The following FHIT variants were observed in gnomAD, a reference collection of about 807,000 sequenced individuals.
FHIT encodes the protein bis(5'-adenosyl)-triphosphatase.
FHIT carries 19 observed loss-of-function variants against 17.9 expected under a neutral mutation model. That is an observed-to-expected ratio of 1.06 (90% confidence interval 0.74 to 1.56). The LOEUF is 1.56. Among genes scored for constraint, FHIT ranks in the 40% most tolerant of loss-of-function variants. The pLI, the probability that FHIT is intolerant of heterozygous loss-of-function variation, is 0.00. For synonymous variants in FHIT, 81 were observed against 69.7 expected, an observed-to-expected ratio of 1.16 and a Z score of -0.81; for missense variants, 248 against 189.2, an observed-to-expected ratio of 1.31 and a Z score of -1.82.
chr3:60,012,436 T>C (rs1322608846), intron 6 of FHIT, among the ~76,000 whole-genome samples: 1 of 151,850 alleles, frequency 6.6e-6, no homozygotes, highest in Admixed American at 6.6e-5. Flanking sequence ...GCCTGGCTAA[T>C]TTTTGTATTT....
At chr3:61,175,689 C>CCATGTGTCCCTCTTG (rs1173884719) in intron 2 of FHIT, among the ~76,000 whole-genome samples, 1 of 139,176 alleles carries the variant, frequency 7.2e-6, no homozygotes, top group African/African-American at 3.0e-5. Flanking sequence ...TACTCTCTTG[C>CCATGTGTCCCTCTTG]CCATGTGTCC....
At chr3:60,187,139 ATTC>A (rs1293257115) in intron 5 of FHIT, among the ~76,000 whole-genome samples, 1 of 152,108 alleles carries the variant, frequency 6.6e-6, no homozygotes, top group African/African-American at 2.4e-5. Flanking sequence ...ATTCATTTTC[ATTC>A]TTCTTCTGTG....
chr3:60,075,175 A>G (rs963969978), intron 5 of FHIT, among the ~76,000 whole-genome samples: 4 of 152,104 alleles, frequency 2.6e-5, no homozygotes, highest in Non-Finnish European at 5.9e-5. Flanking sequence ...TTTAAACTAG[A>G]GCTGCTGGGT....
At chr3:60,535,439 T>TA (rs2035946886) in intron 5 of FHIT, among the ~76,000 whole-genome samples, 1 of 152,158 alleles carries the variant, frequency 6.6e-6, no homozygotes, top group African/African-American at 2.4e-5. Context: ...CATTTTGCTT[T>TA]AAAAAACCCC....
At chr3:61,193,394 C>T (rs1576186457) in intron 2 of FHIT, among the ~76,000 whole-genome samples, 1 of 152,110 alleles carries the variant, frequency 6.6e-6, no homozygotes. Flanking sequence ...GAAGCCACAG[C>T]GAAAATCCCA....
At chr3:59,782,889 A>G (rs1404625524) in intron 8 of FHIT, among the ~76,000 whole-genome samples, 2 of 152,154 alleles carry the variant, frequency 1.3e-5, no homozygotes, top group East Asian at 3.9e-4. Flanking sequence ...CTTGGAAACT[A>G]GCCAAGACAG....
intron 5 of FHIT, among the ~76,000 whole-genome samples, chr3:60,037,381 C>G (rs755939770): frequency 1.7e-4 from 25 of 144,620 alleles, no homozygotes; most frequent in Non-Finnish European, 3.5e-4. Flanking sequence ...TACTTAAAAC[C>G]AAGTCTTTCT....
intron 4 of FHIT, among the ~76,000 whole-genome samples, chr3:60,614,670 G>A (rs2038888121): frequency 6.6e-6 from 1 of 151,942 alleles, no homozygotes; most frequent in African/African-American, 2.4e-5. Flanking sequence ...TATTCTATTT[G>A]GACATTACAG....
chr3:60,861,198 A>ATGTTC (rs1256918936), intron 3 of FHIT, among the ~76,000 whole-genome samples: 1 of 2,194 alleles, frequency 4.6e-4, no homozygotes, highest in East Asian at 6.3e-3. Context: ...TATATATCAT[A>ATGTTC]TATGATATAT....
In FHIT at chr3:60,602,715, T is replaced by C. The variant is rs147589784; in HGVS notation, c.-17-65736A>G. 7.9e-5 allele frequency among the ~76,000 whole-genome samples: 12 copies of C among 152,250 alleles called. No homozygotes were observed. The East Asian group carries it at 1.9e-3, about 24-fold the overall frequency. On this transcript the variant is annotated intron_variant, in intron 4 of 9. Coordinates refer to ENST00000492590, the MANE Select transcript of FHIT (RefSeq NM_002012.4). ...GCCTGTGCAATGGACTGAATACTTA[T>C]GTCTTCTCCAAATTCATATGTTGAA... is the stretch of plus-strand genomic sequence containing the variant.
intron 5 of FHIT, among the ~76,000 whole-genome samples, chr3:60,073,925 G>C (rs527648236): frequency 1.1e-4 from 16 of 152,232 alleles, no homozygotes; most frequent in African/African-American, 3.8e-4. Flanking sequence ...TTAGATTGTT[G>C]TTCAGTAAAT....
intron 5 of FHIT, among the ~76,000 whole-genome samples, chr3:60,523,760 G>A (rs1289268946): frequency 6.6e-6 from 1 of 152,152 alleles, no homozygotes; most frequent in Non-Finnish European, 1.5e-5. Context: ...GAATCCACAT[G>A]GAAATCTATG....
At chr3:60,093,998 T>G (rs17062179) in intron 5 of FHIT, among the ~76,000 whole-genome samples, 2 of 152,164 alleles carry the variant, frequency 1.3e-5, no homozygotes, top group East Asian at 3.9e-4. Context: ...GTGTAAGGTG[T>G]GAGAATCCTA....
intron 4 of FHIT, among the ~76,000 whole-genome samples, chr3:60,737,573 A>C (rs1172814221): frequency 2.0e-5 from 3 of 152,236 alleles, no homozygotes; most frequent in African/African-American, 4.8e-5. Context: ...GCTGGGACAT[A>C]AACCATCCTG....
rs183140293 is a variant in FHIT at position 60,726,800 on chromosome 3, C to T, written c.-18+95119G>A. ...TAAGAGGAAAAGGATGTGTAAAGTGCTAATTGACCTGCTTAAGAGGTAGAG... is the reference window on the plus strand; with the variant it reads ...TAAGAGGAAAAGGATGTGTAAAGTGTTAATTGACCTGCTTAAGAGGTAGAG... On this transcript the variant is annotated intron_variant, in intron 4 of 9. Coordinates refer to ENST00000492590, the MANE Select transcript of FHIT (RefSeq NM_002012.4). 3.5e-4 allele frequency among the ~76,000 whole-genome samples: 53 copies of T among 152,222 alleles called. 1 individual carries two copies. The highest frequency in any genetic ancestry group is 2.4e-3 in the Admixed American group (37 of 15,290).
At chr3:60,525,772 G>A (rs531602182) in intron 5 of FHIT, among the ~76,000 whole-genome samples, 8 of 152,286 alleles carry the variant, frequency 5.3e-5, no homozygotes, top group Admixed American at 2.0e-4. Flanking sequence ...CTATGCTAGC[G>A]TTAAAGGCAG....
intron 5 of FHIT, among the ~76,000 whole-genome samples, chr3:60,218,173 A>T (rs1444599708): frequency 6.6e-6 from 1 of 152,170 alleles, no homozygotes; most frequent in East Asian, 1.9e-4. Context: ...TTAGGAGTAT[A>T]AAGGGATTCT....
rs67142172 is a variant in FHIT at position 61,137,262 on chromosome 3, CTTTTTTTTTTTT to C, written c.-164+63343_-164+63354del. Reference sequence around the variant, plus strand: ...TCTAAAACGTATCATAGGTTTCACTCTTTTTTTTTTTTTTTTTTTTTTTGGTACACACTCTTC... The same window carrying C: ...TCTAAAACGTATCATAGGTTTCACTCTTTTTTTTTTTGGTACACACTCTTC... On this transcript the variant is annotated intron_variant, in intron 2 of 9. Transcript: ENST00000492590. 3.0e-4 allele frequency among the ~76,000 whole-genome samples: 32 copies of C among 105,512 alleles called. No individual in the cohort carries two copies. The South Asian group carries it at 6.4e-3, about 21-fold the overall frequency. 69.2% of individuals were successfully genotyped at this position (105,512 alleles called of 152,430 possible). A position where few individuals can be genotyped will look rare whatever the true frequency, so the allele number is the denominator to read the frequency against.
intron 8 of FHIT, among the ~76,000 whole-genome samples, chr3:59,857,549 C>A (rs1447729802): frequency 6.6e-6 from 1 of 151,720 alleles, no homozygotes; most frequent in Non-Finnish European, 1.5e-5. Context: ...AATAATATTC[C>A]ACCCTATTCT....
Sources: allele counts gnomAD v4.1 joint callset (sites outside exome capture counted in the v4.1 genomes callset), GRCh38; gene constraint gnomAD v4.1.1; transcripts MANE v1.5; gene names NCBI Gene and HGNC (gene_info 2026-07-23, HGNC 2026-07-21).